The following STRN3 variants were observed in gnomAD, a reference collection of about 807,000 sequenced individuals.
The protein encoded by STRN3 is striatin 3, also known as striatin-3.
STRN3 carries 29 observed loss-of-function variants against 95.6 expected under a neutral mutation model. That is an observed-to-expected ratio of 0.30 (90% confidence interval 0.23 to 0.41). The LOEUF (loss-of-function observed/expected upper bound fraction) is 0.41, where lower values mean the gene tolerates loss of function less well. Ranked by LOEUF, STRN3 falls within the 10% of genes least tolerant of loss-of-function variation. STRN3 has a pLI of 1.00. For missense variants in STRN3, 890 were observed against 972.1 expected, an observed-to-expected ratio of 0.92 and a Z score of 1.12; for synonymous variants, 331 against 357.6, an observed-to-expected ratio of 0.93 and a Z score of 0.84.
At chr14:30,930,111 TA>T (rs1464933318) in intron 7 of STRN3, among the ~76,000 whole-genome samples, 1 of 151,994 alleles carries the variant, frequency 6.6e-6, no homozygotes, top group Non-Finnish European at 1.5e-5. Context: ...AGCTGAATAA[TA>T]AATCTGTATT....
chr14:31,002,174 AAAAAAAAAAAAAAAC>A (rs1882488166), intron 1 of STRN3, among the ~76,000 whole-genome samples: 1 of 126,730 alleles, frequency 7.9e-6, no homozygotes, highest in Non-Finnish European at 1.7e-5. Context: ...CTCAAAAAAA[AAAAAAAAAAAAAAAC>A]AAGGCCAGGC....
chr14:30,986,364 G>A (rs1881693446), intron 1 of STRN3, among the ~76,000 whole-genome samples: 1 of 152,064 alleles, frequency 6.6e-6, no homozygotes, highest in Non-Finnish European at 1.5e-5. Flanking sequence ...ACATAGAAAG[G>A]GACAGTCCAT....
chr14:31,025,981 G>C lies in STRN3; in HGVS notation c.205C>G (p.Leu69Val). 1.9e-6 allele frequency: 3 copies of C among 1,574,822 alleles called. No individual in the cohort carries two copies. The highest frequency in any genetic ancestry group is 1.4e-5 in the African/African-American group (1 of 73,718). The change falls in exon 1 of 18, where the codon CTG (leucine) becomes GTG (valine). Residue 69 changes from leucine to valine, a missense_variant. By Grantham distance (32) the Leu-to-Val change is conservative (BLOSUM62 1). This residue lies in a region of STRN3 where 526 missense variants were observed against 526.3 expected (regional missense o/e 1.00). Transcript: ENST00000357479. ...RPQQYTIPGILHYIQHEWARF... is the reference protein window; with the variant it reads ...RPQQYTIPGIVHYIQHEWARF... ...GCCCACTCGTGCTGGATGTAGTGCA[G>C]TATCCCCGGGATAGTGTACTGCTGC...
chr14:30,953,926 GC>G (rs1555320253), intron 3 of STRN3, among the ~76,000 whole-genome samples: 1 of 152,098 alleles, frequency 6.6e-6, no homozygotes, highest in Non-Finnish European at 1.5e-5. Flanking sequence ...ACAGCACCTG[GC>G]CTAGGTATGT....
rs1214595444 is a variant in STRN3 at position 30,895,600 on chromosome 14, A to G, written c.2225-20T>C. The G allele has an allele frequency of 5.6e-6, 9 of 1,610,162 alleles. No individual in the cohort carries two copies. The highest frequency in any genetic ancestry group is 5.9e-6 in the Non-Finnish European group (7 of 1,177,690). ...CATGGCCTGTAAAAGAACAAATAAA[A>G]TTTGTTACTGAGTAACAATCTTTTA... On this transcript the variant is annotated intron_variant, in intron 17 of 17. Transcript: ENST00000357479.
At chr14:30,924,107 G>A (rs932812074) in intron 8 of STRN3, among the ~76,000 whole-genome samples, 8 of 150,188 alleles carry the variant, frequency 5.3e-5, no homozygotes, top group Non-Finnish European at 1.2e-4. Context: ...CTTACTTCTT[G>A]ATTTTCATGA....
chr14:30,986,904 G>C (rs1881719352), intron 1 of STRN3, among the ~76,000 whole-genome samples: 1 of 152,008 alleles, frequency 6.6e-6, no homozygotes, highest in Non-Finnish European at 1.5e-5. Context: ...ACTCTTTATA[G>C]TCTTTCTCAA....
intron 3 of STRN3, among the ~76,000 whole-genome samples, chr14:30,952,173 C>A (rs1408761785): frequency 6.6e-6 from 1 of 151,768 alleles, no homozygotes; most frequent in East Asian, 1.9e-4. Context: ...AATCTCTCAA[C>A]TAGCATCTCT....
chr14:30,944,621 A>ACT (rs1555319075), intron 5 of STRN3, among the ~76,000 whole-genome samples: 1 of 115,760 alleles, frequency 8.6e-6, no homozygotes, highest in Non-Finnish European at 1.7e-5. Context: ...ATATATACAC[A>ACT]TTTTTTTTTT....
chr14:30,959,809 T>TA (rs1248508430), intron 1 of STRN3, among the ~76,000 whole-genome samples: 1 of 151,454 alleles, frequency 6.6e-6, no homozygotes, highest in East Asian at 1.9e-4. Context: ...CTATAACAGA[T>TA]AAAAGTAACT....
intron 1 of STRN3, among the ~76,000 whole-genome samples, chr14:31,002,412 A>G (rs1882503866): frequency 6.7e-6 from 1 of 148,558 alleles, no homozygotes; most frequent in Non-Finnish European, 1.5e-5. Flanking sequence ...TGGAGGTTGC[A>G]GTGAGTCAAG....
chr14:30,978,857 A>C (rs1048373255), intron 1 of STRN3, among the ~76,000 whole-genome samples: 2 of 151,920 alleles, frequency 1.3e-5, no homozygotes, highest in Admixed American at 6.6e-5. Flanking sequence ...ACATGGTGAA[A>C]CCCTGTCTCT....
chr14:30,967,835 G>A (rs1880609274), intron 1 of STRN3, among the ~76,000 whole-genome samples: 1 of 152,180 alleles, frequency 6.6e-6, no homozygotes, highest in Admixed American at 6.5e-5. Context: ...TTTCCTAACA[G>A]GAGATTGAAA....
intron 9 of STRN3, among the ~76,000 whole-genome samples, chr14:30,914,439 A>G (rs6571368): frequency 1 from 151,968 of 152,166 alleles, 75,885 homozygotes; most frequent in Middle Eastern, 1. Context: ...TGCAACCTCC[A>G]CCTCCTAGGT....
intron 1 of STRN3, among the ~76,000 whole-genome samples, chr14:30,997,617 G>A (rs2139280010): frequency 1.3e-5 from 2 of 152,234 alleles, no homozygotes; most frequent in Admixed American, 1.3e-4. Flanking sequence ...GGCATGTTGT[G>A]CCTCCTGTCT....
At chr14:30,965,107 T>C (rs761608752) in intron 1 of STRN3, among the ~76,000 whole-genome samples, 2 of 152,178 alleles carry the variant, frequency 1.3e-5, no homozygotes, top group Non-Finnish European at 2.9e-5. Flanking sequence ...TCTTGCAGGC[T>C]TGATTTGCTT....
At chr14:30,964,121 G>A (rs1432093204) in intron 1 of STRN3, among the ~76,000 whole-genome samples, 1 of 152,142 alleles carries the variant, frequency 6.6e-6, no homozygotes, top group Non-Finnish European at 1.5e-5. Flanking sequence ...GTGTGGTGGT[G>A]CGCATCTGTA....
intron 8 of STRN3, among the ~76,000 whole-genome samples, chr14:30,922,077 C>G (rs1223202213): frequency 2.6e-5 from 4 of 151,732 alleles, no homozygotes; most frequent in Non-Finnish European, 5.9e-5. Flanking sequence ...TTTGTAGAGA[C>G]AGGGTCTCAC....
chr14:30,940,304 G>GACT (rs1395236520), intron 5 of STRN3, among the ~76,000 whole-genome samples: 2 of 151,696 alleles, frequency 1.3e-5, no homozygotes, highest in Non-Finnish European at 2.9e-5. Flanking sequence ...CTTCCTTCTT[G>GACT]ACTTAGTCTC....
Sources: gnomAD v4.1 joint callset for allele counts (sites outside exome capture counted in the v4.1 genomes callset) on GRCh38, gnomAD v4.1.1 for gene constraint, gnomAD v4.1.1 regional missense constraint, MANE v1.5 for transcripts, NCBI Gene and HGNC (gene_info 2026-07-23, HGNC 2026-07-21) for gene names.